Variants in ACOXL observed in about 807,000 individuals in gnomAD.
ACOXL encodes acyl-coenzyme A oxidase-like protein.
ACOXL carries 70 observed loss-of-function variants against 71.9 expected under a neutral mutation model. The ratio of observed to expected loss-of-function variants is 0.97; its 90% CI spans 0.80 to 1.19. The LOEUF is 1.19. Among genes scored for constraint, ACOXL ranks in the 50% most tolerant of loss-of-function variants. The probability of loss-of-function intolerance (pLI) is 0.00; values close to 1 mark genes in which losing one functional copy is unlikely to be tolerated. For synonymous variants in ACOXL, 253 were observed against 281.6 expected (o/e 0.90, Z 1.02); for missense variants, 703 against 736.3 (o/e 0.95, Z 0.52).
At chr2:110,740,470 GCAGCC>G (rs1348308650) in intron 1 of ACOXL, among the ~76,000 whole-genome samples, 1 of 152,144 alleles carries the variant, frequency 6.6e-6, no homozygotes, top group Non-Finnish European at 1.5e-5. Flanking sequence ...CTGGCAGCCT[GCAGCC>G]CCACAGTCAC....
intron 12 of ACOXL, among the ~76,000 whole-genome samples, chr2:110,979,148 C>T (rs549488931): frequency 3.1e-4 from 47 of 152,136 alleles, no homozygotes; most frequent in Non-Finnish European, 5.9e-4. Context: ...TCCCTGAGTT[C>T]GGTTCAGACC....
intron 11 of ACOXL, among the ~76,000 whole-genome samples, chr2:110,913,144 A>G (rs890406411): frequency 5.9e-5 from 9 of 152,238 alleles, no homozygotes; most frequent in Non-Finnish European, 1.2e-4. Context: ...AACCTCATAC[A>G]TTGCTGGTGG....
intron 13 of ACOXL, among the ~76,000 whole-genome samples, chr2:110,992,410 G>T (rs2063212526): frequency 6.6e-6 from 1 of 152,168 alleles, no homozygotes; most frequent in Non-Finnish European, 1.5e-5. Context: ...GTTACTAGGG[G>T]CTCTGTCTTC....
intron 13 of ACOXL, among the ~76,000 whole-genome samples, chr2:110,987,454 A>G (rs2062982974): frequency 6.6e-6 from 1 of 152,178 alleles, no homozygotes; most frequent in Non-Finnish European, 1.5e-5. Flanking sequence ...CACTGTTCCA[A>G]GCAGTTTACA....
chr2:111,026,505 TA>T (rs1006156816), intron 14 of ACOXL, among the ~76,000 whole-genome samples: 11 of 149,156 alleles, frequency 7.4e-5, no homozygotes, highest in African/African-American at 2.7e-4. Context: ...TTTTATAAAA[TA>T]AAAATATATT....
intron 12 of ACOXL, among the ~76,000 whole-genome samples, chr2:110,985,887 T>C (rs2062912071): frequency 6.6e-6 from 1 of 152,226 alleles, no homozygotes; most frequent in Admixed American, 6.5e-5. Context: ...CCAATGCCAA[T>C]AAAGCTTCCC....
intron 1 of ACOXL, among the ~76,000 whole-genome samples, chr2:110,757,800 T>C (rs990555650): frequency 2.0e-5 from 3 of 152,138 alleles, no homozygotes; most frequent in East Asian, 1.9e-4. Flanking sequence ...TATTAGACTT[T>C]CGTCAGATAG....
intron 10 of ACOXL, among the ~76,000 whole-genome samples, chr2:110,861,265 A>G (rs1276917561): frequency 2.0e-5 from 3 of 152,304 alleles, no homozygotes; most frequent in East Asian, 3.9e-4. Context: ...TTGCTTGATT[A>G]TAAAGCTCAA....
chr2:110,990,360 A>G (rs1298881507), intron 13 of ACOXL, among the ~76,000 whole-genome samples: 2 of 152,154 alleles, frequency 1.3e-5, no homozygotes, highest in Non-Finnish European at 2.9e-5. Context: ...TATACATGCA[A>G]TTGGCTTTTG....
At chr2:110,969,852 C>T (rs1278796614) in intron 12 of ACOXL, among the ~76,000 whole-genome samples, 1 of 151,602 alleles carries the variant, frequency 6.6e-6, no homozygotes, top group Non-Finnish European at 1.5e-5. Context: ...AATAGCTTTA[C>T]ATTGATAAAT....
At position 110,811,730 on chromosome 2, in the gene ACOXL, T is replaced by TACACACACACACACACAC. The variant is rs780039810; in HGVS notation, c.753+6374_753+6391dup. ...CGTTATCCTTTTTGTTTTTTTTGCA[T>TACACACACACACACACAC]ACACACACACACACACACACACACA... On this transcript the variant is annotated intron_variant, in intron 9 of 17. Transcript: ENST00000439055. 9.4e-3 allele frequency among the ~76,000 whole-genome samples: 955 copies of TACACACACACACACACAC among 101,632 alleles called. 57 individuals are homozygous for TACACACACACACACACAC. The highest frequency in any genetic ancestry group is 0.012 in the Middle Eastern group (2 of 168). The allele number at this position is 101,632 out of a possible 152,430, so 66.7% of individuals were successfully genotyped here.
At chr2:110,982,900 G>A (rs1041919822) in intron 12 of ACOXL, among the ~76,000 whole-genome samples, 6 of 152,200 alleles carry the variant, frequency 3.9e-5, no homozygotes, top group Non-Finnish European at 8.8e-5. Flanking sequence ...TCAGTGCTCT[G>A]TTCTCATCAT....
In ACOXL at chr2:110,777,348, A is replaced by C. The variant is rs1229759121; in HGVS notation, c.76-7384A>C. Among the ~76,000 whole-genome samples, 3 of 152,222 alleles carry C rather than the reference A, an allele frequency of 2.0e-5. No individual in the cohort carries two copies. In the East Asian group the frequency reaches 5.8e-4, roughly 29 times the overall value. On this transcript the variant is annotated intron_variant, in intron 2 of 17. Coordinates refer to ENST00000439055, the MANE Select transcript of ACOXL (RefSeq NM_001142807.4). ...GGTAGGGACAAGTGTAAGAGGGCTCATAAGCATTTTACATACATTACTCCA... is the reference window on the plus strand; with the variant it reads ...GGTAGGGACAAGTGTAAGAGGGCTCCTAAGCATTTTACATACATTACTCCA...
intron 1 of ACOXL, among the ~76,000 whole-genome samples, chr2:110,752,315 T>G (rs905238157): frequency 2.6e-5 from 4 of 152,078 alleles, no homozygotes; most frequent in African/African-American, 9.7e-5. Context: ...GCCTATTTCT[T>G]TAATATTCAA....
Position 110,828,804 on chromosome 2 carries a change from T to C in ACOXL, c.754-12567T>C, listed in dbSNP as rs531622935. Among the ~76,000 whole-genome samples the C allele has an allele frequency of 1.6e-4, 24 of 152,172 alleles. 1 individual carries two copies. Among genetic ancestry groups the C allele is most frequent in the Admixed American group, 1.4e-3 (22 of 15,278 alleles). ...GGAGCTCTGAGGAATCACCCACTTGTACTATCTTGCTATTTTTTTTTTTTG... is the reference window on the plus strand; with the variant it reads ...GGAGCTCTGAGGAATCACCCACTTGCACTATCTTGCTATTTTTTTTTTTTG... On this transcript the variant is annotated intron_variant, in intron 9 of 17. Coordinates refer to ENST00000439055, the MANE Select transcript of ACOXL (RefSeq NM_001142807.4).
intron 10 of ACOXL, among the ~76,000 whole-genome samples, chr2:110,879,466 C>T (rs1696350465): frequency 6.6e-6 from 1 of 152,154 alleles, no homozygotes; most frequent in Non-Finnish European, 1.5e-5. Flanking sequence ...AAACTGAGAA[C>T]ATATATTACC....
At chr2:111,056,299 C>T (rs573948705) in intron 16 of ACOXL, among the ~76,000 whole-genome samples, 6 of 152,154 alleles carry the variant, frequency 3.9e-5, no homozygotes, top group Non-Finnish European at 7.4e-5. Flanking sequence ...CATTCCTATG[C>T]CATTGAAGCC....
intron 10 of ACOXL, among the ~76,000 whole-genome samples, chr2:110,863,693 A>G (rs1694223899): frequency 6.6e-6 from 1 of 152,110 alleles, no homozygotes; most frequent in Non-Finnish European, 1.5e-5. Flanking sequence ...AGACTGCCCT[A>G]AGGAGCACCT....
At chr2:111,109,399 T>C (rs2069780844) in intron 17 of ACOXL, among the ~76,000 whole-genome samples, 1 of 152,196 alleles carries the variant, frequency 6.6e-6, no homozygotes, top group Non-Finnish European at 1.5e-5. Flanking sequence ...ATGGCATGTA[T>C]GTTGGATTGC....
Sources: allele counts gnomAD v4.1 joint callset (sites outside exome capture counted in the v4.1 genomes callset), GRCh38; gene constraint gnomAD v4.1.1; transcripts MANE v1.5; gene names NCBI Gene and HGNC (gene_info 2026-07-23, HGNC 2026-07-21).